The following ULK4 variants were observed in gnomAD, a reference collection of about 807,000 sequenced individuals.
The protein encoded by ULK4 is unc-51 like kinase 4.
In ULK4, 133 loss-of-function variants were observed where a neutral mutation model predicts 160.6. That is an observed-to-expected ratio of 0.83 (90% CI 0.72 to 0.96). ULK4 has a LOEUF of 0.96. Among genes scored for constraint, ULK4 ranks in the 40% least tolerant of loss-of-function variants. ULK4 has a pLI of 0.00. For missense variants in ULK4, 1,580 were observed against 1,499.5 expected (o/e 1.05, Z -0.89); for synonymous variants, 534 against 539.8 (o/e 0.99, Z 0.15).
At chr3:41,452,196 C>T (rs548233215) in intron 34 of ULK4, among the ~76,000 whole-genome samples, 21 of 152,276 alleles carry the variant, frequency 1.4e-4, no homozygotes, top group East Asian at 1.9e-4. Flanking sequence ...TCTTCATCTA[C>T]ATCAGAACCT....
chr3:41,424,434 A>C (rs2082731435), intron 34 of ULK4, among the ~76,000 whole-genome samples: 2 of 152,082 alleles, frequency 1.3e-5, no homozygotes, highest in Admixed American at 1.3e-4. Flanking sequence ...GTGCTTCCTT[A>C]AGTGGGTCCC....
intron 32 of ULK4, among the ~76,000 whole-genome samples, chr3:41,530,797 C>T (rs2086281762): frequency 1.3e-5 from 2 of 152,088 alleles, no homozygotes; most frequent in South Asian, 4.1e-4. Context: ...CGGAGTCTCG[C>T]TCTGTTGCCA....
intron 18 of ULK4, among the ~76,000 whole-genome samples, chr3:41,827,596 C>T (rs536511479): frequency 3.0e-4 from 46 of 152,050 alleles, no homozygotes; most frequent in African/African-American, 1.1e-3. Flanking sequence ...AAGACTAAAC[C>T]AGGAAGAAGT....
At chr3:41,362,895 G>A (rs991290390) in intron 35 of ULK4, among the ~76,000 whole-genome samples, 1 of 152,220 alleles carries the variant, frequency 6.6e-6, no homozygotes, top group African/African-American at 2.4e-5. Flanking sequence ...GGAGACCCAG[G>A]CACCAAGAGA....
At chr3:41,933,488 T>C (rs940917771) in intron 4 of ULK4, among the ~76,000 whole-genome samples, 5 of 152,176 alleles carry the variant, frequency 3.3e-5, no homozygotes, top group African/African-American at 1.2e-4. Context: ...CCAGTGAAAG[T>C]TTATATACAA....
intron 32 of ULK4, among the ~76,000 whole-genome samples, chr3:41,489,024 C>A (rs984437122): frequency 2.0e-5 from 3 of 152,122 alleles, no homozygotes; most frequent in African/African-American, 4.8e-5. Context: ...CAGCCCCCTT[C>A]TGCCTCCTCC....
In ULK4 at chr3:41,950,910, C is replaced by T. The variant is rs191294224; in HGVS notation, c.138+3712G>A. Among the ~76,000 whole-genome samples the T allele has an allele frequency of 1.0e-3, 157 of 151,538 alleles. 1 individual carries two copies. Among genetic ancestry groups the T allele is most frequent in the Non-Finnish European group, 1.8e-3 (124 of 67,826 alleles). Reference sequence around the variant, plus strand: ...CTGTAATCCCAGCACTTTGGGAGGCCGAAGCGGGCAGATCACGAGGTCAGG... The same window carrying T: ...CTGTAATCCCAGCACTTTGGGAGGCTGAAGCGGGCAGATCACGAGGTCAGG... On this transcript the variant is annotated intron_variant, in intron 2 of 36. Transcript: ENST00000301831.
chr3:41,864,657 T>C (rs1021012047), intron 17 of ULK4, among the ~76,000 whole-genome samples: 1 of 152,150 alleles, frequency 6.6e-6, no homozygotes, highest in Admixed American at 6.5e-5. Flanking sequence ...TTCATGCCTA[T>C]AATCCCAGCA....
chr3:41,771,590 C>T lies in ULK4; in HGVS notation c.2194-17102G>A, dbSNP rs547397681. Among the ~76,000 whole-genome samples, 562 of 151,876 alleles carry T rather than the reference C, an allele frequency of 3.7e-3. 3 individuals are homozygous for T. Among genetic ancestry groups the T allele is most frequent in the Middle Eastern group, 0.017 (5 of 294 alleles). On this transcript the variant is annotated intron_variant, in intron 21 of 36. Coordinates refer to ENST00000301831, the MANE Select transcript of ULK4 (RefSeq NM_017886.4). ...TGAATATCTGTGAGATGTTACAATG[C>T]TTTTCCTTTCAAATCATACTGTGTG...
intron 27 of ULK4, among the ~76,000 whole-genome samples, chr3:41,695,319 G>T (rs1218268307): frequency 2.6e-5 from 4 of 152,166 alleles, no homozygotes; most frequent in Non-Finnish European, 4.4e-5. Context: ...TCTTGGAAGG[G>T]CTAGAAGCTA....
chr3:41,740,635 T>C (rs1488797913), intron 22 of ULK4, among the ~76,000 whole-genome samples: 2 of 151,872 alleles, frequency 1.3e-5, no homozygotes, highest in East Asian at 3.8e-4. Flanking sequence ...TAAAATGTAA[T>C]CCATAAAAGG....
At chr3:41,830,297 T>G (rs549605176) in intron 18 of ULK4, among the ~76,000 whole-genome samples, 1 of 151,762 alleles carries the variant, frequency 6.6e-6, no homozygotes, top group South Asian at 2.1e-4. Flanking sequence ...AAAGTATAAT[T>G]TAAAAAAGGT....
At chr3:41,604,473 T>C (rs962911115) in intron 31 of ULK4, among the ~76,000 whole-genome samples, 4 of 152,120 alleles carry the variant, frequency 2.6e-5, no homozygotes, top group Admixed American at 2.0e-4. Flanking sequence ...ATAGAGCACA[T>C]GTGTGTTAAA....
intron 22 of ULK4, among the ~76,000 whole-genome samples, chr3:41,726,250 T>C (rs2037646606): frequency 6.6e-6 from 1 of 152,330 alleles, no homozygotes; most frequent in African/African-American, 2.4e-5. Flanking sequence ...TTACATCTGC[T>C]GGGAGAAATA....
intron 27 of ULK4, among the ~76,000 whole-genome samples, chr3:41,696,074 A>T (rs1003589125): frequency 6.6e-6 from 1 of 152,110 alleles, no homozygotes; most frequent in African/African-American, 2.4e-5. Flanking sequence ...GTCAAGGAAA[A>T]ACACCCACTA....
At chr3:41,495,720 A>T (rs946852378) in intron 32 of ULK4, among the ~76,000 whole-genome samples, 38 of 151,990 alleles carry the variant, frequency 2.5e-4, no homozygotes, top group Non-Finnish European at 3.7e-4. Flanking sequence ...ATGAACTCAA[A>T]CAAATGTACA....
At chr3:41,737,064 GT>G (rs2038079555) in intron 22 of ULK4, among the ~76,000 whole-genome samples, 1 of 151,822 alleles carries the variant, frequency 6.6e-6, no homozygotes, top group Non-Finnish European at 1.5e-5. Context: ...CTCTGTTTTG[GT>G]ACCAGTACCA....
Position 41,321,068 on chromosome 3 carries a change from G to T in ULK4, c.3679-71494C>A, listed in dbSNP as rs556037942. 1.1e-3 allele frequency among the ~76,000 whole-genome samples: 174 copies of T among 151,994 alleles called. 2 individuals are homozygous for T. The highest frequency in any genetic ancestry group is 4.0e-3 in the African/African-American group (167 of 41,460). ...GGATCTTAATTGCCAGGCCTCTCTGGTTCTTACTTTTTCCCTTTATAATGC... is the reference window on the plus strand; with the variant it reads ...GGATCTTAATTGCCAGGCCTCTCTGTTTCTTACTTTTTCCCTTTATAATGC... On this transcript the variant is annotated intron_variant, in intron 35 of 36. Transcript: ENST00000301831.
intron 18 of ULK4, among the ~76,000 whole-genome samples, chr3:41,824,349 A>C (rs1217279982): frequency 6.6e-6 from 1 of 151,936 alleles, no homozygotes; most frequent in African/African-American, 2.4e-5. Context: ...ACCGAGCATA[A>C]GACAAAGCAG....
Sources: gnomAD v4.1 joint callset for allele counts (sites outside exome capture counted in the v4.1 genomes callset) on GRCh38, gnomAD v4.1.1 for gene constraint, MANE v1.5 for transcripts, NCBI Gene and HGNC (gene_info 2026-07-23, HGNC 2026-07-21) for gene names.